Variants in NRCAM observed in about 807,000 individuals in gnomAD.
NRCAM encodes NgCAM-related cell adhesion molecule.
Under a neutral mutation model 156.5 loss-of-function variants are expected in NRCAM, and 83 were observed. That is an observed-to-expected ratio of 0.53 (90% CI 0.44 to 0.64). The LOEUF is 0.64. NRCAM is among the 30% of genes least tolerant of loss of function. The pLI, the probability that NRCAM is intolerant of heterozygous loss-of-function variation, is 0.00. For synonymous variants in NRCAM, 538 were observed against 563.9 expected, an observed-to-expected ratio of 0.95 and a Z score of 0.65; for missense variants, 1,417 against 1,597.3, an observed-to-expected ratio of 0.89 and a Z score of 1.92.
At chr7:108,243,032 A>T (rs2095640423) in intron 3 of NRCAM, 1 of 152,206 alleles carries the variant, frequency 6.6e-6, no homozygotes, top group Non-Finnish European at 1.5e-5. Context: ...TTTAAGAAAA[A>T]TTGAAAGCAC....
At chr7:108,317,120 T>A (rs180781584) in intron 2 of NRCAM, among the ~76,000 whole-genome samples, 144 of 152,286 alleles carry the variant, frequency 9.5e-4, no homozygotes, top group African/African-American at 3.3e-3. Context: ...AGAGTAGAGA[T>A]CCTTCCCTCC....
intron 3 of NRCAM, among the ~76,000 whole-genome samples, chr7:108,282,800 C>T (rs905987075): frequency 1.3e-5 from 2 of 152,190 alleles, no homozygotes; most frequent in African/African-American, 4.8e-5. Context: ...TTAGTCATCA[C>T]TAGTAAAAGA....
At chr7:108,181,962 A>G in intron 23 of NRCAM, 25 bp from the exon 24 acceptor site, 3 of 1,520,634 alleles carry the variant, frequency 2.0e-6, no homozygotes, top group Non-Finnish European at 2.7e-6. Flanking sequence ...GGGAAGTGGT[A>G]GAAGTATCAA....
rs924446878 is a variant in NRCAM at position 108,435,902 on chromosome 7, G to A, written c.-332+20341C>T. 2.0e-5 allele frequency among the ~76,000 whole-genome samples: 3 copies of A among 152,218 alleles called. No individual in the cohort carries two copies. In the South Asian group the frequency reaches 6.2e-4, roughly 31 times the overall value. On this transcript the variant is annotated intron_variant, in intron 1 of 32. Coordinates refer to ENST00000379028, the MANE Select transcript of NRCAM (RefSeq NM_001037132.4). ...AATCCCAGCACTTTGGGAGGCCGAG[G>A]CGGGTGGATCACGAGGGTAGGAGAT...
At chr7:108,187,474 T>C (rs1489435063) in intron 20 of NRCAM, among the ~76,000 whole-genome samples, 1 of 152,222 alleles carries the variant, frequency 6.6e-6, no homozygotes, top group Non-Finnish European at 1.5e-5. Flanking sequence ...GATTGACACA[T>C]TCAAATGTTC....
chr7:108,315,032 T>C (rs1387991041), intron 2 of NRCAM, among the ~76,000 whole-genome samples: 4 of 151,260 alleles, frequency 2.6e-5, no homozygotes, highest in African/African-American at 9.7e-5. Flanking sequence ...CAGTCAATTC[T>C]GTCTACACTC....
chr7:108,226,424 G>T (rs370079005), intron 8 of NRCAM, 46 bp from the exon 9 acceptor site: 343 of 1,416,728 alleles, frequency 2.4e-4, no homozygotes, highest in Non-Finnish European at 3.2e-4. Context: ...TCATAAAGTG[G>T]CTACCCTCCA....
intron 1 of NRCAM, among the ~76,000 whole-genome samples, chr7:108,441,850 A>C (rs1838899614): frequency 6.6e-6 from 1 of 152,242 alleles, no homozygotes; most frequent in Admixed American, 6.5e-5. Context: ...ATTTTTGGAG[A>C]TATCAAATAG....
chr7:108,378,928 C>T (rs929889217), intron 2 of NRCAM, among the ~76,000 whole-genome samples: 2 of 151,940 alleles, frequency 1.3e-5, no homozygotes, highest in Non-Finnish European at 1.5e-5. Context: ...GGGGTAAATG[C>T]GGCTAACAAC....
intron 29 of NRCAM, 27 bp from the exon 30 acceptor site, chr7:108,167,100 A>G: frequency 6.3e-7 from 1 of 1,589,466 alleles, no homozygotes. Flanking sequence ...AAAACAACAC[A>G]TTTGAATATT....
Position 108,148,985 on chromosome 7 carries a change from T to G in NRCAM, c.*925A>C, listed in dbSNP as rs1406072282. 2 of 152,640 alleles carry G rather than the reference T, an allele frequency of 1.3e-5. No homozygotes were observed. The highest frequency in any genetic ancestry group is 4.8e-5 in the African/African-American group (2 of 41,454). The allele number at this position is 152,640 out of a possible 1,614,324, so 9.5% of individuals were successfully genotyped here. On this transcript the variant is annotated 3_prime_UTR_variant, in exon 33 of 33. Coordinates refer to ENST00000379028, the MANE Select transcript of NRCAM (RefSeq NM_001037132.4). ...TGAACTCTGCTTTTTAAAAGTTACTTTTAGACAATGACAGTAATCTAGGAC... is the reference window on the plus strand; with the variant it reads ...TGAACTCTGCTTTTTAAAAGTTACTGTTAGACAATGACAGTAATCTAGGAC...
intron 11 of NRCAM, among the ~76,000 whole-genome samples, chr7:108,216,694 T>C (rs2089179826): frequency 6.6e-6 from 1 of 152,226 alleles, no homozygotes; most frequent in South Asian, 2.1e-4. Context: ...TTTCTTCCAC[T>C]TGTTTGATTC....
chr7:108,239,871 CCTT>C (rs1478382879), intron 4 of NRCAM, 85 bp downstream of exon 4: 4 of 780,598 alleles, frequency 5.1e-6, no homozygotes, highest in Non-Finnish European at 8.6e-6. Flanking sequence ...CACACAGACA[CCTT>C]CTCCATTCAC....
rs1364793802 is a variant in NRCAM, at chr7:108,277,565, T to A, written c.-107+35100A>T. Among the ~76,000 whole-genome samples, 3 of 152,090 alleles carry A rather than the reference T, an allele frequency of 2.0e-5. No homozygotes were observed. The East Asian group carries it at 5.8e-4, about 29-fold the overall frequency. The stretch of plus-strand genomic sequence containing the variant: ...TTGTGTATGCTTCTCAAAGTTCTTG[T>A]ACTGTGGTTTTCAGCTCCATCAGGT... On this transcript the variant is annotated intron_variant, in intron 3 of 32. Transcript: ENST00000379028.
intron 20 of NRCAM, 95 bp from the exon 21 acceptor site, chr7:108,184,709 G>A: frequency 1.1e-6 from 1 of 919,918 alleles, no homozygotes; most frequent in Non-Finnish European, 1.6e-6. Context: ...CCCAACACAA[G>A]CAACCAAACA....
intron 3 of NRCAM, among the ~76,000 whole-genome samples, chr7:108,279,902 T>C (rs2097787751): frequency 6.6e-6 from 1 of 151,992 alleles, no homozygotes; most frequent in Admixed American, 6.5e-5. Flanking sequence ...AGAGTATTAT[T>C]TGTAATTTAA....
intron 3 of NRCAM, among the ~76,000 whole-genome samples, chr7:108,307,180 A>G (rs973164832): frequency 6.6e-6 from 1 of 152,234 alleles, no homozygotes; most frequent in Non-Finnish European, 1.5e-5. Context: ...ACCCATGTGT[A>G]AAAGGGCTCA....
At chr7:108,282,888 T>C (rs912714091) in intron 3 of NRCAM, among the ~76,000 whole-genome samples, 4 of 152,296 alleles carry the variant, frequency 2.6e-5, no homozygotes, top group Admixed American at 2.0e-4. Flanking sequence ...CCTGGGGAGA[T>C]TTGAAGACTC....
chr7:108,388,969 G>A (rs375495919), intron 2 of NRCAM, among the ~76,000 whole-genome samples: 1 of 152,174 alleles, frequency 6.6e-6, no homozygotes, highest in Non-Finnish European at 1.5e-5. Flanking sequence ...TAGCCTTGTA[G>A]TATAGTTTGA....
Sources: allele counts gnomAD v4.1 joint callset (sites outside exome capture counted in the v4.1 genomes callset), GRCh38; gene constraint gnomAD v4.1.1; transcripts MANE v1.5; gene names NCBI Gene and HGNC (gene_info 2026-07-23, HGNC 2026-07-21).